SRCAP: variants seen among roughly 807,000 people sequenced by gnomAD.
SRCAP encodes the protein chromatin remodeling protein SRCAP.
In SRCAP, 46 loss-of-function variants were observed where a neutral mutation model predicts 263.1. The ratio of observed to expected loss-of-function variants is 0.17; its 90% CI spans 0.14 to 0.22. SRCAP has a LOEUF of 0.22. Among genes scored for constraint, SRCAP ranks in the 10% least tolerant of loss-of-function variants. The pLI, the probability that SRCAP is intolerant of heterozygous loss-of-function variation, is 1.00. For synonymous variants in SRCAP, 1,813 were observed against 1,662.1 expected, an observed-to-expected ratio of 1.09 and a Z score of -2.21; for missense variants, 3,695 against 4,181.9, an observed-to-expected ratio of 0.88 and a Z score of 3.21.
chr16:30,739,286 A>C lies in SRCAP; in HGVS notation c.9246A>C (p.Gly3082=), dbSNP rs763515022. ...EAEGMRGRKS[G]GSMVVAVIQD... ...AAGGAATGCGAGGACGGAAGAGTGG[A>C]GGGTCCATGGTGGTGGCTGTAATTC... Residue 3082 remains glycine (G), a synonymous_variant, in exon 34 of 34, where the codon GGA becomes GGC. Transcript: ENST00000262518. The C allele has an allele frequency of 3.1e-6, 5 of 1,614,100 alleles. No individual in the cohort carries two copies. The highest frequency in any genetic ancestry group is 4.2e-6 in the Non-Finnish European group (5 of 1,180,024).
chr16:30,722,470 C>T lies in SRCAP; in HGVS notation c.3707-93C>T, dbSNP rs1027755508. The T allele has an allele frequency of 9.9e-6, 15 of 1,511,590 alleles. No individual in the cohort carries two copies. The African/African-American group carries it at 1.6e-4, about 17-fold the overall frequency. 93.6% of individuals were successfully genotyped at this position (1,511,590 alleles called of 1,614,324 possible). A position where few individuals can be genotyped will look rare whatever the true frequency, so the allele number is the denominator to read the frequency against. ...AGAGGTCATTCTAGAGAATGTATTC[C>T]CTCTCTGTTCTTTTCTTCTCTTCTT... On this transcript the variant is annotated intron_variant, in intron 22 of 33. Transcript: ENST00000262518.
At position 30,711,534 on chromosome 16, in the gene SRCAP, C is replaced by T; in HGVS notation, c.1319-37C>T. 1.9e-6 allele frequency: 3 copies of T among 1,549,118 alleles called. No homozygotes were observed. In the Middle Eastern group the frequency reaches 6.6e-4, roughly 340 times the overall value. On this transcript the variant is annotated intron_variant, in intron 10 of 33. Transcript: ENST00000262518. ...TACTCAGACCTCCCCTTCTCCCTCCCCTCAGAGCAACCAAAAGCTTTTTGT... is the reference window on the plus strand; with the variant it reads ...TACTCAGACCTCCCCTTCTCCCTCCTCTCAGAGCAACCAAAAGCTTTTTGT...
chr16:30,721,553 G>T, intron 21 of SRCAP, 77 bp downstream of exon 21: 1 of 1,534,152 alleles, frequency 6.5e-7, no homozygotes, highest in South Asian at 1.2e-5. Context: ...CAAATTTTAG[G>T]CAGCTGGGTC....
rs145422855 is a variant in SRCAP, at chr16:30,738,793, C to G, written c.8753C>G (p.Pro2918Arg). The change falls in exon 34 of 34, where the codon CCT (proline) becomes CGT (arginine). Residue 2918 changes from proline (P) to arginine (R), a missense_variant. Physicochemically the swap from Pro to Arg is moderately radical, Grantham distance 103. Around this residue, in one of 12 missense-constraint regions of SRCAP, gnomAD observed 1,207 missense variants for 1,142.9 expected, o/e 1.06. Transcript: ENST00000262518. ...LEPQLIPGPQ[P>R]LGPQPVHRPN... Reference sequence around the variant, plus strand: ...CCACAGCTTATTCCTGGGCCCCAGCCTCTTGGACCCCAGCCAGTTCACAGA... The same window carrying G: ...CCACAGCTTATTCCTGGGCCCCAGCGTCTTGGACCCCAGCCAGTTCACAGA... 10 of 1,613,824 alleles carry G rather than the reference C, an allele frequency of 6.2e-6. No individual in the cohort carries two copies. The highest frequency in any genetic ancestry group is 6.8e-6 in the Non-Finnish European group (8 of 1,179,840).
Position 30,739,526 on chromosome 16 carries a change from C to T in SRCAP, c.9486C>T (p.Pro3162=). The T allele has an allele frequency of 3.7e-6, 6 of 1,612,056 alleles. No homozygotes were observed. The highest frequency in any genetic ancestry group is 5.1e-6 in the Non-Finnish European group (6 of 1,179,172). ...GGGGCCGCCTACAGCCCCCAAGTCC[C>T]CTGGGGCCTGAGGGTTCAGTAGAGG... ...AKRGRLQPPS[P]LGPEGSVEES... The change falls in exon 34 of 34, where the codon CCC becomes CCT. Residue 3162 remains proline, a synonymous_variant. Transcript: ENST00000262518.
intron 10 of SRCAP, 49 bp from the exon 11 acceptor site, chr16:30,711,522 C>T (rs762202325): frequency 2.0e-6 from 3 of 1,532,490 alleles, no homozygotes; most frequent in Non-Finnish European, 2.6e-6. Context: ...TCAGACCTCC[C>T]CTTCTCCCTC....
chr16:30,739,819 T>G lies in SRCAP; in HGVS notation c.*86T>G. 7.7e-6 allele frequency: 11 copies of G among 1,423,688 alleles called. No individual in the cohort carries two copies. Among genetic ancestry groups the G allele is most frequent in the Non-Finnish European group, 1.0e-5 (11 of 1,085,940 alleles). 88.2% of individuals were successfully genotyped at this position (1,423,688 alleles called of 1,614,324 possible). ...CTCTGTTAACCACTACTTGAAGTCT[T>G]GAGGGGGAAAGCCTCCAGGGAGACA... On this transcript the variant is annotated 3_prime_UTR_variant, in exon 34 of 34. Transcript: ENST00000262518.
rs749242748 is a variant in SRCAP at position 30,714,507 on chromosome 16, C to CTTTTTTTTTTTTTTTTTT, written c.2493+808_2493+809insTTTTTTTTTTTTTTTTTT. On this transcript the variant is annotated intron_variant, in intron 16 of 33. Transcript: ENST00000262518. ...TAAAGGTGTGAGCCACCGTGCCGGG[C>CTTTTTTTTTTTTTTTTTT]TTTTTTTTTTTTGAGACAGAGTCTC... is the stretch of plus-strand genomic sequence containing the variant. Among the ~76,000 whole-genome samples, 9 of 99,998 alleles carry CTTTTTTTTTTTTTTTTTT rather than the reference C, an allele frequency of 9.0e-5. 3 individuals are homozygous for CTTTTTTTTTTTTTTTTTT. The highest frequency in any genetic ancestry group is 1.2e-4 in the African/African-American group (3 of 25,208). The allele number at this position is 99,998 out of a possible 152,430, so 65.6% of individuals were successfully genotyped here.
At chr16:30,736,082 G>A (rs2151299513) in intron 31 of SRCAP, 118 bp from the exon 32 acceptor site, 3 of 1,244,768 alleles carry the variant, frequency 2.4e-6, no homozygotes, top group South Asian at 1.4e-5. Context: ...AGGTTGTTGA[G>A]TTCTGTTGCA....
At position 30,738,826 on chromosome 16, in the gene SRCAP, C is replaced by T; in HGVS notation, c.8786C>T (p.Pro2929Leu). The change falls in exon 34 of 34, where the codon CCC (proline) becomes CTC (leucine). Residue 2929 changes from proline to leucine, a missense_variant. Pro to Leu is a moderately conservative substitution (Grantham distance 98, BLOSUM62 -3). Transcript: ENST00000262518. ...LGPQPVHRPN[P>L]LLSPVEKRRR... Reference sequence around the variant, plus strand: ...CCCCAGCCAGTTCACAGACCCAATCCCCTCCTGTCACCTGTGGAGAAAAGA... The same window carrying T: ...CCCCAGCCAGTTCACAGACCCAATCTCCTCCTGTCACCTGTGGAGAAAAGA... 6.2e-7 allele frequency: 1 copy of T among 1,614,050 alleles called. No homozygotes were observed. Among genetic ancestry groups the T allele is most frequent in the Non-Finnish European group, 8.5e-7 (1 of 1,179,984 alleles).
rs747040289 is a variant in SRCAP, at chr16:30,716,124, A to G, written c.2552A>G (p.Lys851Arg). ...VKVDVEKQMP[K>R]KYEHVIRCRL... ...GTGGATGTTGAGAAGCAGATGCCCA[A>G]AAAGTACGAGCATGTTATCCGCTGC... Residue 851 changes from lysine to arginine, a missense_variant, in exon 17 of 34, where the codon AAA becomes AGA. Transcript: ENST00000262518. 2.5e-5 allele frequency: 40 copies of G among 1,614,076 alleles called. No homozygotes were observed. Among genetic ancestry groups the G allele is most frequent in the African/African-American group, 4.0e-5 (3 of 74,918 alleles).
At position 30,739,853 on chromosome 16, in the gene SRCAP, T is replaced by G; in HGVS notation, c.*120T>G. On this transcript the variant is annotated 3_prime_UTR_variant, in exon 34 of 34. Transcript: ENST00000262518. ...AAGCCTCCAGGGAGACATAGGGGCC[T>G]TCTCCCTTCTTCCCACCAAAGTAGG... The G allele has an allele frequency of 2.2e-6, 3 of 1,379,944 alleles. No homozygotes were observed. The highest frequency in any genetic ancestry group is 2.8e-6 in the Non-Finnish European group (3 of 1,058,120). The allele number at this position is 1,379,944 out of a possible 1,614,324, so 85.5% of individuals were successfully genotyped here.
chr16:30,716,089 C>G lies in SRCAP; in HGVS notation c.2517C>G (p.Arg839=). ...LHKVLRPFLL[R]RVKVDVEKQM... ...AGGTTTTGAGGCCTTTTTTACTGCG[C>G]CGAGTTAAGGTGGATGTTGAGAAGC... Residue 839 remains arginine (R), a synonymous_variant, in exon 17 of 34, where the codon CGC becomes CGG. Coordinates refer to ENST00000262518, the MANE Select transcript of SRCAP (RefSeq NM_006662.3). 1 of 1,614,112 alleles carries G rather than the reference C, an allele frequency of 6.2e-7. No homozygotes were observed. The highest frequency in any genetic ancestry group is 8.5e-7 in the Non-Finnish European group (1 of 1,180,032).
chr16:30,704,001 G>A, intron 3 of SRCAP, 63 bp from the exon 4 acceptor site: 1 of 1,515,590 alleles, frequency 6.6e-7, no homozygotes, highest in Non-Finnish European at 8.9e-7. Flanking sequence ...ATGAAATAAT[G>A]TATCTAAAAC....
In SRCAP at chr16:30,737,614, C is replaced by T; in HGVS notation, c.7574C>T (p.Ser2525Phe). The change falls in exon 34 of 34, where the codon TCT becomes TTT. Residue 2525 changes from serine (S) to phenylalanine (F), a missense_variant. Around this residue, in one of 12 missense-constraint regions of SRCAP, gnomAD observed 1,207 missense variants for 1,142.9 expected, o/e 1.06. Coordinates refer to ENST00000262518, the MANE Select transcript of SRCAP (RefSeq NM_006662.3). ...PAQTCLVTPS[S>F]PLLLGPPSVP... is the part of the protein sequence containing the mutation. ...CAAACCTGTCTTGTAACTCCTTCCT[C>T]TCCTCTCTTGCTTGGTCCACCTTCT... 1 of 1,614,090 alleles carries T rather than the reference C, an allele frequency of 6.2e-7. No homozygotes were observed. Among genetic ancestry groups the T allele is most frequent in the Non-Finnish European group, 8.5e-7 (1 of 1,180,020 alleles).
At chr16:30,701,519 A>G (rs1258688647) in intron 3 of SRCAP, 2 of 152,178 alleles carry the variant, frequency 1.3e-5, no homozygotes, top group African/African-American at 2.4e-5. Flanking sequence ...CAGTCTTGTC[A>G]TTTAGCCGAG....
chr16:30,720,015 A>G (rs913141089), intron 18 of SRCAP, 147 bp from the exon 19 acceptor site: 3 of 811,488 alleles, frequency 3.7e-6, no homozygotes, highest in African/African-American at 3.5e-5. Context: ...CCCAATGTTT[A>G]GCTCCCACTT....
rs1445027643 is a variant in SRCAP at position 30,724,552 on chromosome 16, C to T, written c.5128C>T (p.Pro1710Ser). 5 of 1,614,212 alleles carry T rather than the reference C, an allele frequency of 3.1e-6. No individual in the cohort carries two copies. Among genetic ancestry groups the T allele is most frequent in the Non-Finnish European group, 1.7e-6 (2 of 1,180,038 alleles). Residue 1710 changes from proline to serine, a missense_variant, in exon 25 of 34, where the codon CCC becomes TCC. Transcript: ENST00000262518. ...TTTGGGAACGGGGAACCCCCAGGGACCCTTTCCAACTCAGACATTGTCATT... is the reference window on the plus strand; with the variant it reads ...TTTGGGAACGGGGAACCCCCAGGGATCCTTTCCAACTCAGACATTGTCATT... ...LSLGTGNPQG[P>S]FPTQTLSLTP...
At chr16:30,705,484 C>T (rs1028732600) in intron 4 of SRCAP, among the ~76,000 whole-genome samples, 5 of 152,148 alleles carry the variant, frequency 3.3e-5, no homozygotes, top group East Asian at 3.9e-4. Flanking sequence ...CTGCAAGCTC[C>T]GCCTCCCGGG....
Sources: gnomAD v4.1 joint callset for allele counts (sites outside exome capture counted in the v4.1 genomes callset) on GRCh38, gnomAD v4.1.1 for gene constraint, gnomAD v4.1.1 regional missense constraint, MANE v1.5 for transcripts, NCBI Gene and HGNC (gene_info 2026-07-23, HGNC 2026-07-21) for gene names.